KPNA7: variants seen among roughly 807,000 people sequenced by gnomAD.
KPNA7 encodes importin subunit alpha-8.
Under a neutral mutation model 53.7 loss-of-function variants are expected in KPNA7, and 54 were observed. That is an observed-to-expected ratio of 1.01 (90% CI 0.81 to 1.26). The LOEUF is 1.26. Among genes scored for constraint, KPNA7 ranks in the 50% most tolerant of loss-of-function variants. The probability of loss-of-function intolerance (pLI) is 0.00; values close to 1 mark genes in which losing one functional copy is unlikely to be tolerated. For missense variants in KPNA7, 640 were observed against 644.5 expected (o/e 0.99, Z 0.07); for synonymous variants, 276 against 259.3 (o/e 1.06, Z -0.62).
At chr7:99,172,278 G>C (rs1399415959), downstream of KPNA7, among the ~76,000 whole-genome samples, 1 of 152,152 alleles carries the variant, frequency 6.6e-6, no homozygotes, top group African/African-American at 2.4e-5. Context: ...CCAAAGAGTA[G>C]AAAGTTCTGG....
At chr7:99,202,082 A>G (rs1170419107) in intron 3 of KPNA7, among the ~76,000 whole-genome samples, 1 of 152,088 alleles carries the variant, frequency 6.6e-6, no homozygotes, top group Admixed American at 6.6e-5. Context: ...GAAGCTAACT[A>G]GAGATATAGT....
intron 7 of KPNA7, among the ~76,000 whole-genome samples, chr7:99,187,324 G>A (rs1028437729): frequency 6.6e-6 from 1 of 151,972 alleles, no homozygotes. Context: ...AAAGCAATTA[G>A]TAATGGTTTT....
intron 3 of KPNA7, among the ~76,000 whole-genome samples, 196 bp from the exon 4 acceptor site, chr7:99,196,362 G>C (rs1175625014): frequency 6.6e-6 from 1 of 152,142 alleles, no homozygotes; most frequent in Non-Finnish European, 1.5e-5. Flanking sequence ...CCCATGCTTA[G>C]GGGAGAAGTA....
chr7:99,151,820 C>T, the KPNA7 span, among the ~76,000 whole-genome samples: 1 of 151,998 alleles, frequency 6.6e-6, no homozygotes, highest in Non-Finnish European at 1.5e-5. Flanking sequence ...TTTAAAAGAT[C>T]AACAAGATAT....
chr7:99,191,648 C>G (rs1197532455), intron 6 of KPNA7, among the ~76,000 whole-genome samples: 1 of 152,038 alleles, frequency 6.6e-6, no homozygotes, highest in Non-Finnish European at 1.5e-5. Flanking sequence ...TCAGATTTTT[C>G]TCCCATCTTG....
upstream of KPNA7, among the ~76,000 whole-genome samples, chr7:99,211,627 G>A (rs898044326): frequency 6.6e-5 from 10 of 152,078 alleles, no homozygotes; most frequent in South Asian, 2.1e-4. Flanking sequence ...TAGTCACTGC[G>A]CCAGGGACAA....
chr7:99,159,655 C>T, the KPNA7 span, among the ~76,000 whole-genome samples: 3 of 152,118 alleles, frequency 2.0e-5, no homozygotes, highest in Admixed American at 6.5e-5. Flanking sequence ...ATGATCATTC[C>T]GATTTCTCTA....
intron 9 of KPNA7, among the ~76,000 whole-genome samples, chr7:99,180,179 TC>T (rs1405112188): frequency 6.6e-6 from 1 of 152,160 alleles, no homozygotes; most frequent in Admixed American, 6.5e-5. Flanking sequence ...CCAAGTGACT[TC>T]CCGGTCATCG....
At chr7:99,202,829 G>C (rs1244223593) in intron 3 of KPNA7, among the ~76,000 whole-genome samples, 3 of 152,096 alleles carry the variant, frequency 2.0e-5, no homozygotes, top group Non-Finnish European at 4.4e-5. Flanking sequence ...CTGGGTGACA[G>C]AGTGAGACCT....
the KPNA7 span, among the ~76,000 whole-genome samples, chr7:99,147,138 T>C: frequency 7.6e-4 from 115 of 152,256 alleles, no homozygotes; most frequent in African/African-American, 2.5e-3. Context: ...GAACAAGGAA[T>C]ACAAAATAAA....
At chr7:99,187,599 G>A (rs1334176479) in intron 7 of KPNA7, among the ~76,000 whole-genome samples, 2 of 142,236 alleles carry the variant, frequency 1.4e-5, no homozygotes, top group Non-Finnish European at 3.0e-5. Flanking sequence ...TGTCACCCAG[G>A]CTGGAGAGCA....
At chr7:99,190,328 T>A (rs768254838) in intron 6 of KPNA7, among the ~76,000 whole-genome samples, 17 of 119,246 alleles carry the variant, frequency 1.4e-4, no homozygotes, top group Non-Finnish European at 2.8e-4. Flanking sequence ...AGAGCAAGAC[T>A]CTGTCTCAAA....
intron 9 of KPNA7, among the ~76,000 whole-genome samples, chr7:99,180,583 A>ATCTCTCCG (rs71108420): frequency 1.5e-5 from 2 of 136,080 alleles, no homozygotes; most frequent in African/African-American, 5.6e-5. Flanking sequence ...GTCTCTGTCC[A>ATCTCTCCG]TCTCTCCGTC....
chr7:99,169,033 C>T (rs187377192), downstream of KPNA7, among the ~76,000 whole-genome samples: 1 of 152,152 alleles, frequency 6.6e-6, no homozygotes, highest in African/African-American at 2.4e-5. Flanking sequence ...ACCAAAAATA[C>T]AAAAATTACC....
the KPNA7 span, among the ~76,000 whole-genome samples, chr7:99,160,567 G>A: frequency 6.6e-6 from 1 of 151,964 alleles, no homozygotes; most frequent in African/African-American, 2.4e-5. Flanking sequence ...CTGGGATTCA[G>A]GTTTGAGTCA....
the KPNA7 span, among the ~76,000 whole-genome samples, chr7:99,166,822 T>C: frequency 6.1e-4 from 92 of 152,012 alleles, 1 homozygote; most frequent in Non-Finnish European, 2.2e-4. Flanking sequence ...GGTTTCACCA[T>C]GTCGGCCAGG....
rs113345297 is a variant in KPNA7, at chr7:99,175,485, C to CTTTATTTA, written c.1465-1699_1465-1692dup. ...TGAGCTACCACACCTGGCTTGAGAG[C>CTTTATTTA]TTTATTTATTTATTTATTTATTTAT... On this transcript the variant is annotated intron_variant, in intron 10 of 10. Transcript: ENST00000327442. Among the ~76,000 whole-genome samples, 833 of 145,422 alleles carry CTTTATTTA rather than the reference C, an allele frequency of 5.7e-3. 2 individuals carry two copies. Among genetic ancestry groups the CTTTATTTA allele is most frequent in the African/African-American group, 7.5e-3 (290 of 38,864 alleles).
At chr7:99,191,696 C>T (rs35511099) in intron 6 of KPNA7, among the ~76,000 whole-genome samples, 12,059 of 152,112 alleles carry the variant, frequency 0.079, 511 homozygotes, top group South Asian at 0.15. Flanking sequence ...GTTGCCCAGG[C>T]TGGGGCACAG....
the KPNA7 span, among the ~76,000 whole-genome samples, chr7:99,148,811 A>G: frequency 2.9e-5 from 4 of 136,402 alleles, no homozygotes; most frequent in Non-Finnish European, 4.7e-5. Context: ...CGGCCAGGCT[A>G]GTCGCCTCAA....
Sources: allele counts gnomAD v4.1 joint callset (sites outside exome capture counted in the v4.1 genomes callset), GRCh38; gene constraint gnomAD v4.1.1; transcripts MANE v1.5; gene names NCBI Gene and HGNC (gene_info 2026-07-23, HGNC 2026-07-21).